The following EXT1 variants were observed in gnomAD, a reference collection of about 807,000 sequenced individuals.
EXT1 encodes the protein exostosin-1.
Under a neutral mutation model 82.5 loss-of-function variants are expected in EXT1, and 20 were observed. The observed-to-expected ratio is 0.24, with a 90% CI of 0.17 to 0.35. The LOEUF is 0.35. Ranked by LOEUF, EXT1 falls within the 10% of genes least tolerant of loss-of-function variation. EXT1 has a pLI of 1.00. For synonymous variants in EXT1, 348 were observed against 350.8 expected, an observed-to-expected ratio of 0.99 and a Z score of 0.09; for missense variants, 757 against 936.5, an observed-to-expected ratio of 0.81 and a Z score of 2.50.
intron 1 of EXT1, among the ~76,000 whole-genome samples, chr8:117,891,899 C>T (rs1300157452): frequency 2.0e-5 from 3 of 151,336 alleles, no homozygotes; most frequent in East Asian, 1.9e-4. Context: ...CTCTGCCTCC[C>T]GGGTTCAAGC....
rs368271923 is a variant in EXT1, at chr8:117,871,478, C to T, written c.963-34277G>A. On this transcript the variant is annotated intron_variant, in intron 1 of 10. Coordinates refer to ENST00000378204, the MANE Select transcript of EXT1 (RefSeq NM_000127.3). ...TAGAGATATCTAAAATCTAATTAAC[C>T]AATTAATTTGCAAATATATTCTAAT... 1.5e-4 allele frequency among the ~76,000 whole-genome samples: 23 copies of T among 152,128 alleles called. 2 individuals are homozygous for T. The East Asian group carries it at 2.3e-3, about 15-fold the overall frequency.
chr8:118,000,518 C>A (rs1815640020), intron 1 of EXT1, among the ~76,000 whole-genome samples: 1 of 152,218 alleles, frequency 6.6e-6, no homozygotes, highest in Non-Finnish European at 1.5e-5. Context: ...TCTTGTCTTC[C>A]TGCCTAAGAG....
At chr8:117,875,247 T>A (rs748873857) in intron 1 of EXT1, among the ~76,000 whole-genome samples, 1 of 151,908 alleles carries the variant, frequency 6.6e-6, no homozygotes, top group Non-Finnish European at 1.5e-5. Context: ...TGAAACCCCA[T>A]CTCTGCTAAA....
chr8:117,983,577 A>G (rs770401352), intron 1 of EXT1, among the ~76,000 whole-genome samples: 2 of 152,204 alleles, frequency 1.3e-5, no homozygotes, highest in Non-Finnish European at 2.9e-5. Context: ...TCTAAACATC[A>G]TCCAACACTT....
chr8:117,821,049 C>CT (rs1811916880), intron 5 of EXT1, among the ~76,000 whole-genome samples: 1 of 152,134 alleles, frequency 6.6e-6, no homozygotes, highest in Non-Finnish European at 1.5e-5. Context: ...GGTTAAGAGC[C>CT]TTTTAAAACT....
At position 117,797,496 on chromosome 8, in the gene EXT1, A is replaced by T. The variant is rs1467980180; in HGVS notation, c.*2216T>A. 1.3e-5 allele frequency: 2 copies of T among 152,258 alleles called. No individual in the cohort carries two copies. The highest frequency in any genetic ancestry group is 4.8e-5 in the African/African-American group (2 of 41,472). 9.4% of individuals were successfully genotyped at this position (152,258 alleles called of 1,614,324 possible). The stretch of plus-strand genomic sequence containing the variant: ...GGTACAATTAGGGACATTGCTTTGC[A>T]AGCCAATATGACCACCTAAGTTTCA... On this transcript the variant is annotated 3_prime_UTR_variant, in exon 11 of 11. Coordinates refer to ENST00000378204, the MANE Select transcript of EXT1 (RefSeq NM_000127.3).
chr8:118,056,534 C>T (rs17476861), intron 1 of EXT1, among the ~76,000 whole-genome samples: 8,806 of 152,196 alleles, frequency 0.058, 816 homozygotes, highest in African/African-American at 0.2. Flanking sequence ...AAGATCTACC[C>T]CTTGTATTTT....
chr8:117,878,886 T>C (rs751617732), intron 1 of EXT1, among the ~76,000 whole-genome samples: 36 of 152,196 alleles, frequency 2.4e-4, no homozygotes, highest in Non-Finnish European at 5.3e-4. Context: ...AACACATCCA[T>C]TGAGGGTTGG....
intron 1 of EXT1, among the ~76,000 whole-genome samples, chr8:117,954,092 T>G (rs995708524): frequency 6.6e-6 from 1 of 152,182 alleles, no homozygotes. Context: ...AGTAATCCAT[T>G]TCTGGTCTTG....
intron 1 of EXT1, among the ~76,000 whole-genome samples, chr8:118,059,613 T>A (rs1333941229): frequency 6.6e-6 from 1 of 152,216 alleles, no homozygotes; most frequent in Non-Finnish European, 1.5e-5. Flanking sequence ...GAATGTTTCA[T>A]CCGTTCCCTG....
chr8:117,924,692 G>A (rs558409978), intron 1 of EXT1, among the ~76,000 whole-genome samples: 1 of 152,338 alleles, frequency 6.6e-6, no homozygotes, highest in South Asian at 2.1e-4. Flanking sequence ...AGAAAAGCAA[G>A]AGGAAGGAGA....
intron 1 of EXT1, among the ~76,000 whole-genome samples, chr8:117,936,459 G>C (rs1814164902): frequency 6.6e-6 from 1 of 152,182 alleles, no homozygotes. Context: ...TCAGAGAGAA[G>C]TCAACCTAGA....
intron 1 of EXT1, among the ~76,000 whole-genome samples, chr8:117,876,278 C>G (rs927646222): frequency 6.6e-6 from 1 of 152,064 alleles, no homozygotes; most frequent in Admixed American, 6.6e-5. Context: ...AATGACAGGA[C>G]TTAAGAGACA....
chr8:117,822,372 T>C, intron 5 of EXT1, 93 bp downstream of exon 5: 1 of 1,395,880 alleles, frequency 7.2e-7, no homozygotes, highest in South Asian at 1.2e-5. Context: ...GGGTGTTAGA[T>C]GGACCCCATT....
chr8:117,920,417 T>G (rs1813834169), intron 1 of EXT1, among the ~76,000 whole-genome samples: 1 of 152,162 alleles, frequency 6.6e-6, no homozygotes, highest in African/African-American at 2.4e-5. Context: ...TTTAAATTTT[T>G]TAACAGTATC....
chr8:117,982,939 A>G (rs1474715022), intron 1 of EXT1, among the ~76,000 whole-genome samples: 1 of 152,212 alleles, frequency 6.6e-6, no homozygotes, highest in Admixed American at 6.5e-5. Context: ...TTCAAAATTA[A>G]TATTTTTTAC....
intron 1 of EXT1, among the ~76,000 whole-genome samples, chr8:118,074,548 G>C (rs2129970266): frequency 6.6e-6 from 1 of 151,474 alleles, no homozygotes; most frequent in Non-Finnish European, 1.5e-5. Context: ...TTGCCTCGTA[G>C]GGGGCTACGA....
intron 1 of EXT1, among the ~76,000 whole-genome samples, chr8:117,913,579 G>C (rs1813692860): frequency 6.6e-6 from 1 of 152,158 alleles, no homozygotes; most frequent in Non-Finnish European, 1.5e-5. Context: ...CGCTAACCCA[G>C]TTTGGTCCTG....
At chr8:118,021,809 TATCCTCTGG>T (rs1315105534) in intron 1 of EXT1, among the ~76,000 whole-genome samples, 2 of 152,202 alleles carry the variant, frequency 1.3e-5, no homozygotes, top group Non-Finnish European at 2.9e-5. Context: ...ATTTGCTTGT[TATCCTCTGG>T]GCAAAGACAT....
Sources: gnomAD v4.1 joint callset for allele counts (sites outside exome capture counted in the v4.1 genomes callset) on GRCh38, gnomAD v4.1.1 for gene constraint, MANE v1.5 for transcripts, NCBI Gene and HGNC (gene_info 2026-07-23, HGNC 2026-07-21) for gene names.